The following BTK variants were observed in gnomAD, a reference collection of about 807,000 sequenced individuals.
BTK encodes Bruton tyrosine kinase.
Under a neutral mutation model 57.4 loss-of-function variants are expected in BTK, and 5 were observed. The observed-to-expected ratio is 0.09, with a 90% CI of 0.05 to 0.18. The LOEUF (loss-of-function observed/expected upper bound fraction) is 0.18. Among genes scored for constraint, BTK ranks in the 10% least tolerant of loss-of-function variants. BTK has a pLI of 1.00. For missense variants in BTK, 194 were observed against 501.2 expected (o/e 0.39, Z 5.85); for synonymous variants, 154 against 174.3 (o/e 0.88, Z 0.92).
intron 1 of BTK, among the ~76,000 whole-genome samples, chrX:101,378,728 G>T (rs1165110005): frequency 9.0e-6 from 1 of 111,676 alleles, no homozygotes; most frequent in African/African-American, 3.3e-5. Context: ...TCCCTATGGA[G>T]CAACAGAATT....
chrX:101,389,182 T>C (rs182667730), upstream of BTK, among the ~76,000 whole-genome samples: 4 of 112,191 alleles, frequency 3.6e-5, no homozygotes, highest in East Asian at 1.1e-3. Flanking sequence ...AATTTGACTG[T>C]GGTAATCATT....
intron 9 of BTK, among the ~76,000 whole-genome samples, 164 bp downstream of exon 9, chrX:101,359,924 A>G (rs1873800522): frequency 9.5e-6 from 1 of 105,542 alleles, no homozygotes; most frequent in South Asian, 4.1e-4. Flanking sequence ...TAATATACCT[A>G]TATATACACC....
At chrX:101,362,089 G>A in intron 7 of BTK, 84 bp downstream of exon 7, 1 of 966,115 alleles carries the variant, frequency 1.0e-6, no homozygotes, top group South Asian at 1.9e-5. Flanking sequence ...AAGTCCCAGG[G>A]TAATTCTAAG....
At chrX:101,355,641 C>A in intron 15 of BTK, 1 of 147,979 alleles carries the variant, frequency 6.8e-6, no homozygotes, top group Non-Finnish European at 1.3e-5. Context: ...TATTATATAA[C>A]ATAAAAAAAA....
chrX:101,367,582 G>A (rs1555979661), intron 5 of BTK, among the ~76,000 whole-genome samples: 2 of 109,797 alleles, frequency 1.8e-5, no homozygotes, highest in Non-Finnish European at 3.8e-5. Context: ...GTTGCAGTGA[G>A]CCGAGATCGT....
chrX:101,357,275 C>T (rs978350415), intron 13 of BTK, among the ~76,000 whole-genome samples: 5 of 111,535 alleles, frequency 4.5e-5, no homozygotes, highest in Non-Finnish European at 7.5e-5. Flanking sequence ...AAATAAAAGA[C>T]AAAAAGACCC....
intron 5 of BTK, among the ~76,000 whole-genome samples, chrX:101,367,253 A>AAC (rs1926882625): frequency 9.3e-6 from 1 of 107,561 alleles, no homozygotes; most frequent in Non-Finnish European, 1.9e-5. Flanking sequence ...CAAGAAAAAA[A>AAC]AAAAAGAAAA....
chrX:101,376,038 A>G (rs1208010520), intron 1 of BTK, among the ~76,000 whole-genome samples: 1 of 110,763 alleles, frequency 9.0e-6, no homozygotes. Context: ...TAGTTCTTTT[A>G]GACAGCATCA....
chrX:101,381,932 T>C (rs146627998), intron 1 of BTK, among the ~76,000 whole-genome samples: 1,373 of 106,260 alleles, frequency 0.013, 27 homozygotes, highest in African/African-American at 0.046. Flanking sequence ...CTCAGGAGGC[T>C]GAGGCAGGAG....
rs782496521 is a variant in BTK at position 101,353,023 on chromosome X, G to A, written c.1908+171C>T. On this transcript the variant is annotated intron_variant, in intron 18 of 18. Transcript: ENST00000308731. ...GAAGGTTGCAGTAAGCCAAGATCGC[G>A]CCACTGTACTCCAACCTGGGTGAAA... 2.6e-4 allele frequency: 122 copies of A among 465,735 alleles called. No homozygotes were observed. The South Asian group carries it at 3.9e-3, about 15-fold the overall frequency. 38.4% of individuals were successfully genotyped at this position (465,735 alleles called of 1,213,427 possible).
intron 2 of BTK, 42 bp from the exon 3 acceptor site, chrX:101,374,676 G>A (rs782697290): frequency 2.6e-5 from 27 of 1,052,340 alleles, no homozygotes; most frequent in Non-Finnish European, 3.6e-5. Flanking sequence ...AAGATTAAGA[G>A]GGATTAAGCA....
chrX:101,381,924 C>A (rs1555981817), intron 1 of BTK, among the ~76,000 whole-genome samples: 1 of 106,859 alleles, frequency 9.4e-6, no homozygotes, highest in Non-Finnish European at 1.9e-5. Context: ...CCCAGTTACT[C>A]AGGAGGCTGA....
intron 12 of BTK, 57 bp from the exon 13 acceptor site, chrX:101,357,640 C>A: frequency 1.1e-6 from 1 of 950,799 alleles, no homozygotes; most frequent in South Asian, 1.9e-5. Flanking sequence ...GGATGCCTCA[C>A]ACATCCTCAC....
At chrX:101,375,980 G>C (rs1027169311) in intron 1 of BTK, among the ~76,000 whole-genome samples, 1 of 109,957 alleles carries the variant, frequency 9.1e-6, no homozygotes, top group Non-Finnish European at 1.9e-5. Context: ...GTTTTGGTGG[G>C]GGGGGGGTAG....
chrX:101,374,129 T>C lies in BTK; in HGVS notation c.240+407A>G, dbSNP rs3027628. ...TGAACTCAAAAATCAGTAGGTTTTA[T>C]GTCTCTCGCTCCGGAAAGTGAGAAG... On this transcript the variant is annotated intron_variant, in intron 3 of 18. Transcript: ENST00000308731. Among the ~76,000 whole-genome samples, 792 of 111,866 alleles carry C rather than the reference T, an allele frequency of 7.1e-3. 7 individuals carry two copies. The highest frequency in any genetic ancestry group is 0.024 in the African/African-American group (748 of 30,841).
chrX:101,374,990 T>A (rs1353580583), intron 2 of BTK, among the ~76,000 whole-genome samples, 154 bp downstream of exon 2: 6 of 111,846 alleles, frequency 5.4e-5, no homozygotes, highest in African/African-American at 1.9e-4. Flanking sequence ...CTTTAGCTAG[T>A]TATAGGCTAG....
intron 15 of BTK, 126 bp downstream of exon 15, chrX:101,355,926 A>T: frequency 1.4e-6 from 1 of 714,147 alleles, no homozygotes; most frequent in Non-Finnish European, 2.2e-6. Context: ...CCTAACTTAT[A>T]GTACTTTCTA....
chrX:101,364,261 T>A (rs1926775143), intron 5 of BTK, among the ~76,000 whole-genome samples: 1 of 107,144 alleles, frequency 9.3e-6, no homozygotes, highest in Non-Finnish European at 1.9e-5. Context: ...ATACAAAAAT[T>A]AGCTGGGCAT....
At chrX:101,372,377 C>T (rs1927061748) in intron 3 of BTK, among the ~76,000 whole-genome samples, 1 of 110,836 alleles carries the variant, frequency 9.0e-6, no homozygotes, top group Non-Finnish European at 1.9e-5. Context: ...GGGCAATTCA[C>T]AAATAAAATA....
Sources: gnomAD v4.1 joint callset for allele counts (sites outside exome capture counted in the v4.1 genomes callset) on GRCh38, gnomAD v4.1.1 for gene constraint, MANE v1.5 for transcripts, NCBI Gene and HGNC (gene_info 2026-07-23, HGNC 2026-07-21) for gene names.